Variants in MIPOL1 observed in about 807,000 individuals in gnomAD.
MIPOL1 encodes the protein mirror-image polydactyly gene 1 protein.
Under a neutral mutation model 60.9 loss-of-function variants are expected in MIPOL1, and 57 were observed. The observed-to-expected ratio is 0.94, with a 90% confidence interval of 0.76 to 1.17. The LOEUF is 1.17. Ranked by LOEUF, MIPOL1 falls within the 50% of genes most tolerant of loss-of-function variation. The pLI, the probability that MIPOL1 is intolerant of heterozygous loss-of-function variation, is 0.00. For missense variants in MIPOL1, 551 were observed against 511.6 expected (o/e 1.08, Z -0.74); for synonymous variants, 179 against 168.8 (o/e 1.06, Z -0.47).
intron 3 of MIPOL1, 86 bp downstream of exon 3, chr14:37,247,993 A>G (rs761504555): frequency 6.0e-5 from 84 of 1,401,936 alleles, no homozygotes; most frequent in East Asian, 1.2e-4. Context: ...TCTAACCAAT[A>G]TATTAGACAG....
At chr14:37,407,009 C>A (rs1201200391) in intron 10 of MIPOL1, among the ~76,000 whole-genome samples, 2 of 151,796 alleles carry the variant, frequency 1.3e-5, no homozygotes, top group Non-Finnish European at 2.9e-5. Context: ...TTAAAAGTTA[C>A]AAAGAAAAGA....
At chr14:37,198,282 AGTGTC>A (rs1159603799) in intron 1 of MIPOL1, 178 bp downstream of exon 1, 3 of 152,338 alleles carry the variant, frequency 2.0e-5, no homozygotes, top group African/African-American at 7.2e-5. Flanking sequence ...CTCGAAGGTC[AGTGTC>A]GTGGGGTCCT....
intron 10 of MIPOL1, among the ~76,000 whole-genome samples, chr14:37,405,383 C>G (rs758995375): frequency 1.3e-5 from 2 of 152,052 alleles, no homozygotes; most frequent in African/African-American, 2.4e-5. Flanking sequence ...AAAGCCTCTT[C>G]CTTTGGTTAA....
intron 11 of MIPOL1, among the ~76,000 whole-genome samples, chr14:37,470,872 C>T (rs1431761271): frequency 6.6e-6 from 1 of 152,078 alleles, no homozygotes; most frequent in Non-Finnish European, 1.5e-5. Context: ...GAATTGGTCT[C>T]AGGTCAAATA....
At chr14:37,211,452 T>C (rs1024165722) in intron 1 of MIPOL1, among the ~76,000 whole-genome samples, 1 of 152,022 alleles carries the variant, frequency 6.6e-6, no homozygotes, top group Non-Finnish European at 1.5e-5. Context: ...CTCAGTACTG[T>C]CCTGTTAGGG....
chr14:37,520,732 C>A (rs985070630), intron 12 of MIPOL1, among the ~76,000 whole-genome samples: 3 of 151,736 alleles, frequency 2.0e-5, no homozygotes, highest in Non-Finnish European at 4.4e-5. Context: ...ATCTTTAATA[C>A]TTATAATATG....
At chr14:37,337,350 ATATATATTTTTTTTTTTT>A (rs1427581565) in intron 9 of MIPOL1, among the ~76,000 whole-genome samples, 1 of 37,376 alleles carries the variant, frequency 2.7e-5, no homozygotes, top group Non-Finnish European at 4.3e-5. Context: ...ATATATATAT[ATATATATTTTTTTTTTTT>A]TTTTTTTTTT....
intron 9 of MIPOL1, among the ~76,000 whole-genome samples, chr14:37,340,843 C>G (rs1567545443): frequency 6.6e-6 from 1 of 152,102 alleles, no homozygotes; most frequent in Admixed American, 6.6e-5. Flanking sequence ...CATTCACTTA[C>G]TCACTCACCC....
At chr14:37,307,632 G>T (rs755894156) in intron 7 of MIPOL1, among the ~76,000 whole-genome samples, 11 of 151,860 alleles carry the variant, frequency 7.2e-5, no homozygotes, top group Non-Finnish European at 1.2e-4. Flanking sequence ...GCTTTTAAGG[G>T]AACATAGTTA....
At chr14:37,444,500 C>T (rs1328313839) in intron 11 of MIPOL1, among the ~76,000 whole-genome samples, 1 of 152,138 alleles carries the variant, frequency 6.6e-6, no homozygotes, top group Non-Finnish European at 1.5e-5. Flanking sequence ...TTACATTTGT[C>T]TTTACTGTAG....
intron 11 of MIPOL1, among the ~76,000 whole-genome samples, chr14:37,487,928 G>A (rs900386300): frequency 6.6e-6 from 1 of 152,130 alleles, no homozygotes; most frequent in Non-Finnish European, 1.5e-5. Context: ...TGTTGTTAGG[G>A]TGTGAATTTT....
At chr14:37,247,473 AT>A (rs1438773348) in intron 2 of MIPOL1, among the ~76,000 whole-genome samples, 1 of 152,030 alleles carries the variant, frequency 6.6e-6, no homozygotes, top group Non-Finnish European at 1.5e-5. Context: ...TAAATTTGAA[AT>A]TTTTGGTATA....
At chr14:37,281,293 T>C (rs2084085879) in intron 6 of MIPOL1, among the ~76,000 whole-genome samples, 1 of 152,218 alleles carries the variant, frequency 6.6e-6, no homozygotes, top group Non-Finnish European at 1.5e-5. Context: ...TCTTGGCACT[T>C]TGTTGAAAAT....
intron 6 of MIPOL1, among the ~76,000 whole-genome samples, chr14:37,274,800 T>A (rs1016197608): frequency 6.6e-6 from 1 of 151,314 alleles, no homozygotes; most frequent in Non-Finnish European, 1.5e-5. Flanking sequence ...AGGCACTCAA[T>A]AAATAATAAT....
chr14:37,472,052 C>T (rs75145595), intron 11 of MIPOL1, among the ~76,000 whole-genome samples: 1,886 of 152,220 alleles, frequency 0.012, 20 homozygotes, highest in Non-Finnish European at 0.018. Flanking sequence ...CAGCTGAACC[C>T]TATATTCAGC....
intron 9 of MIPOL1, among the ~76,000 whole-genome samples, chr14:37,339,519 G>T (rs1018400268): frequency 6.6e-6 from 1 of 152,102 alleles, no homozygotes; most frequent in Non-Finnish European, 1.5e-5. Flanking sequence ...TGTAGGAGCT[G>T]ATTTATAATA....
rs371436039 is a variant in MIPOL1, at chr14:37,394,136, G to T, written c.936+24512G>T. On this transcript the variant is annotated intron_variant, in intron 10 of 12. Transcript: ENST00000684589. ...TCCACAGTTTGTTTATCCGCTCATT[G>T]ATTGATGGGTATTTGGGTTAGTTCC... Among the ~76,000 whole-genome samples, 39 of 133,738 alleles carry T rather than the reference G, an allele frequency of 2.9e-4. No individual in the cohort carries two copies. The East Asian group carries it at 7.4e-3, about 25-fold the overall frequency. 87.7% of individuals were successfully genotyped at this position (133,738 alleles called of 152,430 possible). A position where few individuals can be genotyped will look rare whatever the true frequency, so the allele number is the denominator to read the frequency against.
intron 11 of MIPOL1, among the ~76,000 whole-genome samples, chr14:37,474,513 A>G (rs998539998): frequency 2.0e-5 from 3 of 152,180 alleles, no homozygotes; most frequent in Admixed American, 6.5e-5. Flanking sequence ...CTTGTCTGCC[A>G]CCATGTAAGA....
chr14:37,208,154 A>G (rs1012919267), intron 1 of MIPOL1, among the ~76,000 whole-genome samples: 6 of 152,320 alleles, frequency 3.9e-5, no homozygotes, highest in Non-Finnish European at 5.9e-5. Context: ...CAGGTAATCT[A>G]TTCTTGTTAT....
Sources: gnomAD v4.1 joint callset for allele counts (sites outside exome capture counted in the v4.1 genomes callset) on GRCh38, gnomAD v4.1.1 for gene constraint, MANE v1.5 for transcripts, NCBI Gene and HGNC (gene_info 2026-07-23, HGNC 2026-07-21) for gene names.